Variants in CPNE4 observed in about 807,000 individuals in gnomAD.
The protein encoded by CPNE4 is copine 4.
Under a neutral mutation model 67.9 loss-of-function variants are expected in CPNE4, and 25 were observed. That is an observed-to-expected ratio of 0.37 (90% CI 0.27 to 0.51). CPNE4 has a LOEUF of 0.51. CPNE4 is among the 20% of genes least tolerant of loss of function. The pLI is 0.93. For synonymous variants in CPNE4, 242 were observed against 244.9 expected, an observed-to-expected ratio of 0.99 and a Z score of 0.11; for missense variants, 464 against 690.8, an observed-to-expected ratio of 0.67 and a Z score of 3.68.
At chr3:131,976,422 TG>T (rs1182699490) in intron 1 of CPNE4, among the ~76,000 whole-genome samples, 1 of 152,138 alleles carries the variant, frequency 6.6e-6, no homozygotes, top group East Asian at 1.9e-4. Flanking sequence ...TGTGGCAATT[TG>T]GGTCTGAGAT....
At chr3:131,888,532 T>C (rs1168398953) in intron 2 of CPNE4, among the ~76,000 whole-genome samples, 2 of 152,202 alleles carry the variant, frequency 1.3e-5, no homozygotes, top group East Asian at 3.9e-4. Flanking sequence ...AAATATTTAA[T>C]TAGCCTATAA....
intron 1 of CPNE4, among the ~76,000 whole-genome samples, chr3:131,907,486 A>G (rs952695961): frequency 3.3e-5 from 4 of 122,314 alleles, no homozygotes; most frequent in African/African-American, 9.8e-5. Flanking sequence ...ATGCCTCAGC[A>G]TTACGCATCA....
intron 2 of CPNE4, among the ~76,000 whole-genome samples, chr3:131,784,464 A>G (rs762162223): frequency 6.6e-6 from 1 of 152,014 alleles, no homozygotes; most frequent in Non-Finnish European, 1.5e-5. Context: ...CAGCCTCTGA[A>G]TTTTCTCTGA....
chr3:131,905,386 T>C lies in CPNE4; in HGVS notation c.58A>G (p.Ser20Gly). The C allele has an allele frequency of 6.2e-7, 1 of 1,613,534 alleles. No homozygotes were observed. Among genetic ancestry groups the C allele is most frequent in the Middle Eastern group, 1.7e-4 (1 of 6,052 alleles). Residue 20 changes from serine to glycine, a missense_variant, in exon 2 of 16, where the codon AGC becomes GGC. Ser to Gly is a moderately conservative substitution (Grantham distance 56). Transcript: ENST00000429747. Reference sequence around the variant, plus strand: ...AGCTCAACTTTGGTCAGGCAGGGGCTGTTAAAGATTCCCAGTGTGTTGGCA... The same window carrying C: ...AGCTCAACTTTGGTCAGGCAGGGGCCGTTAAAGATTCCCAGTGTGTTGGCA... ...SAANTLGIFN[S>G]PCLTKVELRV...
chr3:131,835,848 T>C (rs1359008368), intron 2 of CPNE4, among the ~76,000 whole-genome samples: 10 of 151,896 alleles, frequency 6.6e-5, no homozygotes, highest in African/African-American at 2.4e-4. Context: ...TAGAGTAGAG[T>C]GGAGCTCTGT....
At chr3:131,848,968 A>AAC (rs1407210889) in intron 2 of CPNE4, among the ~76,000 whole-genome samples, 14 of 148,328 alleles carry the variant, frequency 9.4e-5, no homozygotes, top group Non-Finnish European at 1.7e-4. Flanking sequence ...AAAAAAAAAA[A>AAC]AAAAAAAAAA....
chr3:131,803,708 T>C (rs1112706), intron 2 of CPNE4, among the ~76,000 whole-genome samples: 74,170 of 152,036 alleles, frequency 0.49, 18,775 homozygotes, highest in African/African-American at 0.62. Flanking sequence ...GAGGAGAACA[T>C]GCTGTGCTCA....
chr3:131,575,267 G>A (rs577158865), intron 9 of CPNE4, 137 bp from the exon 10 acceptor site: 1 of 693,952 alleles, frequency 1.4e-6, no homozygotes, highest in East Asian at 2.7e-5. Context: ...AAAAAGATGG[G>A]TCAGTTAAGT....
At chr3:131,940,123 T>A (rs1370044564) in intron 1 of CPNE4, among the ~76,000 whole-genome samples, 1 of 152,094 alleles carries the variant, frequency 6.6e-6, no homozygotes, top group Non-Finnish European at 1.5e-5. Context: ...AACTGGCAAG[T>A]GTAATTCCCC....
At chr3:131,927,576 A>G (rs2070932981) in intron 1 of CPNE4, among the ~76,000 whole-genome samples, 1 of 152,172 alleles carries the variant, frequency 6.6e-6, no homozygotes, top group Admixed American at 6.5e-5. Flanking sequence ...TTTTTACCCC[A>G]TTGCCAAGTT....
At chr3:131,864,711 T>C (rs1478460233) in intron 2 of CPNE4, among the ~76,000 whole-genome samples, 3 of 151,932 alleles carry the variant, frequency 2.0e-5, no homozygotes, top group South Asian at 2.1e-4. Context: ...CTTCTCCTGC[T>C]TGATTGCCCT....
At chr3:131,641,469 G>A (rs748358323) in intron 7 of CPNE4, among the ~76,000 whole-genome samples, 4 of 151,938 alleles carry the variant, frequency 2.6e-5, no homozygotes, top group Non-Finnish European at 4.4e-5. Flanking sequence ...ATGCAATACC[G>A]CCTCACATCT....
At chr3:131,864,646 C>A (rs1231615362) in intron 2 of CPNE4, among the ~76,000 whole-genome samples, 2 of 151,974 alleles carry the variant, frequency 1.3e-5, no homozygotes, top group Admixed American at 1.3e-4. Flanking sequence ...GTCATGCCAT[C>A]TGCAAACAGG....
Position 131,972,879 on chromosome 3 carries a change from A to G in CPNE4, c.-2+61688T>C, listed in dbSNP as rs545734601. 2.6e-4 allele frequency among the ~76,000 whole-genome samples: 39 copies of G among 152,290 alleles called. No individual in the cohort carries two copies. The South Asian group carries it at 7.5e-3, about 29-fold the overall frequency. The stretch of plus-strand genomic sequence containing the variant: ...TCAGATCTGCCATTCTGAAATCACA[A>G]GTCTCAAAGCGTGGCAACAAAGCAC... On this transcript the variant is annotated intron_variant, in intron 1 of 15. Coordinates refer to ENST00000429747, the MANE Select transcript of CPNE4 (RefSeq NM_130808.3).
At chr3:131,618,075 G>A (rs1343815067) in intron 7 of CPNE4, among the ~76,000 whole-genome samples, 2 of 152,120 alleles carry the variant, frequency 1.3e-5, no homozygotes, top group Non-Finnish European at 2.9e-5. Flanking sequence ...CTCAGGGTAT[G>A]GGAGACATCA....
At chr3:131,561,815 C>A (rs7611550) in intron 11 of CPNE4, among the ~76,000 whole-genome samples, 17,154 of 151,992 alleles carry the variant, frequency 0.11, 2,122 homozygotes, top group African/African-American at 0.31. Flanking sequence ...CCTGACTCTG[C>A]CTGTCTATTG....
intron 2 of CPNE4, among the ~76,000 whole-genome samples, chr3:131,808,150 A>G (rs1265141945): frequency 6.6e-6 from 1 of 152,178 alleles, no homozygotes; most frequent in Non-Finnish European, 1.5e-5. Flanking sequence ...TAAGGACTCT[A>G]CCCCAGAGTC....
At chr3:131,841,984 G>A (rs2085804381) in intron 2 of CPNE4, among the ~76,000 whole-genome samples, 1 of 152,166 alleles carries the variant, frequency 6.6e-6, no homozygotes, top group South Asian at 2.1e-4. Flanking sequence ...AACACGAGTT[G>A]AGACCTGCCC....
intron 1 of CPNE4, among the ~76,000 whole-genome samples, chr3:131,976,667 G>T (rs536389642): frequency 1.3e-5 from 2 of 152,010 alleles, no homozygotes; most frequent in Non-Finnish European, 2.9e-5. Context: ...CAAAGGAAAT[G>T]ACCTGATTGT....
Sources: gnomAD v4.1 joint callset for allele counts (sites outside exome capture counted in the v4.1 genomes callset) on GRCh38, gnomAD v4.1.1 for gene constraint, MANE v1.5 for transcripts, NCBI Gene and HGNC (gene_info 2026-07-23, HGNC 2026-07-21) for gene names.